Variants in RCAN2 observed in about 807,000 individuals in gnomAD.
The protein encoded by RCAN2 is calcipressin-2.
RCAN2 carries 9 observed loss-of-function variants against 23.6 expected under a neutral mutation model. That is an observed-to-expected ratio of 0.38 (90% CI 0.23 to 0.67). RCAN2 has a LOEUF of 0.67. RCAN2 is among the 30% of genes least tolerant of loss of function. RCAN2 has a pLI of 0.51. For missense variants in RCAN2, 273 were observed against 302.3 expected, an observed-to-expected ratio of 0.90 and a Z score of 0.72; for synonymous variants, 109 against 115.7, an observed-to-expected ratio of 0.94 and a Z score of 0.37.
chr6:46,259,927 G>A lies in RCAN2; in HGVS notation c.226-11031C>T, dbSNP rs77335886. On this transcript the variant is annotated intron_variant, in intron 2 of 4. Transcript: ENST00000371374. ...ATGCATAGAGCAAGGTATGCGAGAA[G>A]GGGCACTGGGCTTCCATGCTCCTCT... Among the ~76,000 whole-genome samples the A allele has an allele frequency of 2.0e-3, 312 of 152,322 alleles. 3 individuals carry two copies. Among genetic ancestry groups the A allele is most frequent in the African/African-American group, 7.4e-3 (306 of 41,560 alleles).
At chr6:46,425,072 A>G (rs1190288034) in intron 2 of RCAN2, among the ~76,000 whole-genome samples, 1 of 152,188 alleles carries the variant, frequency 6.6e-6, no homozygotes, top group Non-Finnish European at 1.5e-5. Context: ...TTTCTTCAAC[A>G]GGCTGGATGT....
intron 1 of RCAN2, among the ~76,000 whole-genome samples, chr6:46,483,523 G>A (rs895593033): frequency 6.6e-6 from 1 of 152,168 alleles, no homozygotes; most frequent in Non-Finnish European, 1.5e-5. Flanking sequence ...CAGTGTTCAT[G>A]TGTTGTGGCA....
At chr6:46,360,949 C>T (rs1049373880) in intron 2 of RCAN2, among the ~76,000 whole-genome samples, 23 of 152,158 alleles carry the variant, frequency 1.5e-4, no homozygotes, top group African/African-American at 3.9e-4. Flanking sequence ...GGCCTTCTCC[C>T]TACCCCCATG....
chr6:46,355,803 T>C (rs1187823731), intron 2 of RCAN2, among the ~76,000 whole-genome samples: 2 of 152,204 alleles, frequency 1.3e-5, no homozygotes, highest in Non-Finnish European at 2.9e-5. Context: ...TCTTATCTCC[T>C]GAGGTAGATC....
chr6:46,364,645 C>T (rs973001792), intron 2 of RCAN2, among the ~76,000 whole-genome samples: 16 of 152,158 alleles, frequency 1.1e-4, no homozygotes, highest in African/African-American at 3.9e-4. Context: ...ATCATGCATG[C>T]TATGTGCTTT....
chr6:46,282,379 A>C (rs1762213483), intron 2 of RCAN2, among the ~76,000 whole-genome samples: 2 of 148,068 alleles, frequency 1.4e-5, no homozygotes, highest in Admixed American at 1.3e-4. Context: ...CCTCATCTCT[A>C]CTAAAAAAAA....
At chr6:46,405,101 C>T (rs12530418) in intron 2 of RCAN2, among the ~76,000 whole-genome samples, 64,545 of 152,040 alleles carry the variant, frequency 0.42, 16,053 homozygotes, top group East Asian at 0.59. Flanking sequence ...AAGCCGCGGA[C>T]CCTCGCGGTG....
intron 2 of RCAN2, among the ~76,000 whole-genome samples, chr6:46,315,940 GAAAAGAGGTTTGGAAGAGACA>G: frequency 2.8e-5 from 1 of 36,260 alleles, no homozygotes; most frequent in African/African-American, 7.9e-5. Flanking sequence ...GAAGAGACAA[GAAAAGAGGTTTGGAAGAGACA>G]CAGCCTGAGA....
intron 2 of RCAN2, among the ~76,000 whole-genome samples, chr6:46,415,808 A>T (rs530372883): frequency 6.6e-6 from 1 of 152,356 alleles, no homozygotes; most frequent in South Asian, 2.1e-4. Context: ...AATGAATTTC[A>T]TATACACTCG....
chr6:46,262,606 A>AAATAAATAAAT (rs1220349044), intron 2 of RCAN2, among the ~76,000 whole-genome samples: 1 of 151,798 alleles, frequency 6.6e-6, no homozygotes, highest in African/African-American at 2.4e-5. Flanking sequence ...ATAAATAAAT[A>AAATAAATAAAT]AATAAATAAA....
At chr6:46,250,901 C>T (rs949103997) in intron 2 of RCAN2, among the ~76,000 whole-genome samples, 6 of 152,112 alleles carry the variant, frequency 3.9e-5, no homozygotes, top group Admixed American at 1.3e-4. Context: ...CCTTCAAGCC[C>T]ATGTTGGTGA....
At chr6:46,326,087 C>A (rs1763787357) in intron 2 of RCAN2, among the ~76,000 whole-genome samples, 1 of 152,150 alleles carries the variant, frequency 6.6e-6, no homozygotes, top group Admixed American at 6.5e-5. Flanking sequence ...ATGTTCTGGG[C>A]ATCCTAATGC....
chr6:46,423,247 A>G (rs1333075463), intron 2 of RCAN2, among the ~76,000 whole-genome samples: 1 of 152,194 alleles, frequency 6.6e-6, no homozygotes, highest in Admixed American at 6.5e-5. Context: ...CCAAATGAGG[A>G]GACTGGGGTC....
intron 2 of RCAN2, among the ~76,000 whole-genome samples, chr6:46,375,399 C>T (rs1765429605): frequency 6.6e-6 from 1 of 152,162 alleles, no homozygotes; most frequent in South Asian, 2.1e-4. Flanking sequence ...TTAGACTTCT[C>T]CTCCCAGACA....
chr6:46,340,886 A>G (rs1582122245), intron 2 of RCAN2, among the ~76,000 whole-genome samples: 1 of 152,254 alleles, frequency 6.6e-6, no homozygotes, highest in African/African-American at 2.4e-5. Context: ...TCCTTGAAGG[A>G]AAACTTTTCT....
At chr6:46,240,854 A>G (rs998043346) in intron 4 of RCAN2, among the ~76,000 whole-genome samples, 2 of 152,228 alleles carry the variant, frequency 1.3e-5, no homozygotes, top group Non-Finnish European at 2.9e-5. Flanking sequence ...TTACTATGTC[A>G]TGTTTTGATA....
intron 1 of RCAN2, among the ~76,000 whole-genome samples, chr6:46,480,296 G>A (rs776569407): frequency 1.1e-4 from 17 of 152,200 alleles, no homozygotes; most frequent in Non-Finnish European, 1.9e-4. Context: ...AGGACAATAT[G>A]TGATAACATG....
At chr6:46,481,957 T>A (rs564537920) in intron 1 of RCAN2, among the ~76,000 whole-genome samples, 2 of 152,006 alleles carry the variant, frequency 1.3e-5, no homozygotes, top group African/African-American at 4.8e-5. Context: ...AAAGGCTGCA[T>A]GTAAATATCT....
intron 2 of RCAN2, among the ~76,000 whole-genome samples, chr6:46,308,538 T>C (rs1561852206): frequency 6.6e-6 from 1 of 152,002 alleles, no homozygotes. Context: ...ACAAGACTAA[T>C]GAATGAGATG....
Sources: gnomAD v4.1 joint callset for allele counts (sites outside exome capture counted in the v4.1 genomes callset) on GRCh38, gnomAD v4.1.1 for gene constraint, MANE v1.5 for transcripts, NCBI Gene and HGNC (gene_info 2026-07-23, HGNC 2026-07-21) for gene names.